MCTP1: variants seen among roughly 807,000 people sequenced by gnomAD.
MCTP1 encodes the protein multiple C2 and transmembrane domain-containing protein 1.
MCTP1 carries 69 observed loss-of-function variants against 120.6 expected under a neutral mutation model. That is an observed-to-expected ratio of 0.57 (90% CI 0.47 to 0.70). MCTP1 has a LOEUF of 0.70. Among genes scored for constraint, MCTP1 ranks in the 30% least tolerant of loss-of-function variants. The probability of loss-of-function intolerance (pLI) is 0.00; values close to 1 mark genes in which losing one functional copy is unlikely to be tolerated. For missense variants in MCTP1, 1,203 were observed against 1,248.8 expected (o/e 0.96, Z 0.55); for synonymous variants, 529 against 493.1 (o/e 1.07, Z -0.96).
In MCTP1 at chr5:95,182,086, C is replaced by A. The variant is rs573454109; in HGVS notation, c.720+101770G>T. Reference sequence around the variant, plus strand: ...TAGAGTTACAAAAGAAATATCTGACCATGGGAATATTGATACTGGCATCAT... The same window carrying A: ...TAGAGTTACAAAAGAAATATCTGACAATGGGAATATTGATACTGGCATCAT... On this transcript the variant is annotated intron_variant, in intron 1 of 22. Transcript: ENST00000515393. 5.3e-5 allele frequency among the ~76,000 whole-genome samples: 8 copies of A among 152,072 alleles called. No individual in the cohort carries two copies. The South Asian group carries it at 1.7e-3, about 32-fold the overall frequency.
rs1561916186 is a variant in MCTP1 at position 94,953,832 on chromosome 5, T to TATATATATACAAATATATATATAC, written c.839-472_839-471insGTATATATATATTTGTATATATAT. Among the ~76,000 whole-genome samples, 2 of 44,588 alleles carry TATATATATACAAATATATATATAC rather than the reference T, an allele frequency of 4.5e-5. 1 individual carries two copies. The highest frequency in any genetic ancestry group is 5.0e-4 in the Admixed American group (2 of 3,970). The allele number at this position is 44,588 out of a possible 152,430, so 29.3% of individuals were successfully genotyped here. A position where few individuals can be genotyped will look rare whatever the true frequency, so the allele number is the denominator to read the frequency against. Reference sequence around the variant, plus strand: ...ATATATATACAAATATATATATACATATATATATATACACAACTATATATA... The same window carrying TATATATATACAAATATATATATAC: ...ATATATATACAAATATATATATACATATATATATACAAATATATATATACATATATATATACACAACTATATATA... On this transcript the variant is annotated intron_variant, in intron 2 of 22. Transcript: ENST00000515393.
At chr5:94,889,908 T>C (rs1439230024) in intron 11 of MCTP1, among the ~76,000 whole-genome samples, 3 of 152,258 alleles carry the variant, frequency 2.0e-5, no homozygotes, top group African/African-American at 4.8e-5. Context: ...ATATGTCTGC[T>C]TCCTTTTTCA....
At chr5:94,813,750 G>A (rs1300137356) in intron 17 of MCTP1, among the ~76,000 whole-genome samples, 6 of 152,066 alleles carry the variant, frequency 3.9e-5, no homozygotes, top group Admixed American at 3.9e-4. Flanking sequence ...TAGCTGGGAG[G>A]GGTGGCGCAC....
intron 17 of MCTP1, among the ~76,000 whole-genome samples, chr5:94,853,223 A>T (rs1380419000): frequency 6.6e-6 from 1 of 151,998 alleles, no homozygotes. Flanking sequence ...AACCAGTTGT[A>T]ATCTGTCATC....
intron 17 of MCTP1, among the ~76,000 whole-genome samples, chr5:94,834,516 TGAGATACTAA>T (rs1789256301): frequency 6.6e-6 from 1 of 152,210 alleles, no homozygotes; most frequent in East Asian, 1.9e-4. Flanking sequence ...ATAAAGGCTT[TGAGATACTAA>T]GACTTTTAGG....
At chr5:95,229,997 G>T (rs1257930469) in intron 1 of MCTP1, among the ~76,000 whole-genome samples, 1 of 151,954 alleles carries the variant, frequency 6.6e-6, no homozygotes, top group South Asian at 2.1e-4. Flanking sequence ...CAGCATAATG[G>T]AGAAGAAAAG....
At chr5:94,811,544 T>C (rs1278500881) in intron 17 of MCTP1, among the ~76,000 whole-genome samples, 1 of 152,194 alleles carries the variant, frequency 6.6e-6, no homozygotes, top group Non-Finnish European at 1.5e-5. Flanking sequence ...AATTCTGAAA[T>C]GTTTTCTTCA....
At chr5:95,208,915 A>G (rs1751994715) in intron 1 of MCTP1, among the ~76,000 whole-genome samples, 1 of 151,744 alleles carries the variant, frequency 6.6e-6, no homozygotes, top group South Asian at 2.1e-4. Flanking sequence ...ACTATTTACC[A>G]TTCCTTCCTT....
intron 17 of MCTP1, among the ~76,000 whole-genome samples, chr5:94,844,300 T>TTAAAA (rs1252887281): frequency 7.7e-5 from 1 of 12,924 alleles, no homozygotes; most frequent in South Asian, 1.9e-3. Flanking sequence ...AGACTCTGTC[T>TTAAAA]CAAAAAAAAA....
intron 1 of MCTP1, among the ~76,000 whole-genome samples, chr5:95,272,451 CAAGTTATCCAAGTCATCCAAGTTATACA>C (rs1321115885): frequency 5.9e-5 from 9 of 152,268 alleles, no homozygotes; most frequent in Non-Finnish European, 8.8e-5. Context: ...GCTAATCATC[CAAGTTATCCAAGTCATCCAAGTTATACA>C]AAGTTATCCA....
chr5:94,868,184 C>T (rs1391198060), intron 17 of MCTP1, 149 bp downstream of exon 17: 9 of 657,400 alleles, frequency 1.4e-5, no homozygotes, highest in Non-Finnish European at 2.0e-5. Flanking sequence ...CATCAGGTTC[C>T]TGCCCACGGC....
At chr5:95,061,753 C>T (rs1329949029) in intron 1 of MCTP1, among the ~76,000 whole-genome samples, 2 of 152,016 alleles carry the variant, frequency 1.3e-5, no homozygotes, top group Admixed American at 6.6e-5. Context: ...TTTTTAATAA[C>T]TAATATTTAT....
chr5:95,107,543 A>T (rs1376563860), intron 1 of MCTP1, among the ~76,000 whole-genome samples: 1 of 152,238 alleles, frequency 6.6e-6, no homozygotes, highest in African/African-American at 2.4e-5. Flanking sequence ...TCTGACAGGA[A>T]TGCCAAGGTT....
intron 1 of MCTP1, chr5:95,037,959 T>C: frequency 6.1e-6 from 1 of 163,156 alleles, no homozygotes; most frequent in Non-Finnish European, 1.3e-5. Flanking sequence ...TTAAAGATAC[T>C]ATGGAATAGA....
chr5:94,995,615 G>C (rs1159827896), intron 2 of MCTP1, among the ~76,000 whole-genome samples: 1 of 152,156 alleles, frequency 6.6e-6, no homozygotes, highest in Non-Finnish European at 1.5e-5. Flanking sequence ...TGGGGAAAGA[G>C]TTATCCCTAA....
intron 1 of MCTP1, among the ~76,000 whole-genome samples, chr5:95,094,175 C>T (rs1167785849): frequency 6.6e-6 from 1 of 152,190 alleles, no homozygotes; most frequent in Non-Finnish European, 1.5e-5. Context: ...ATACGTTATG[C>T]AGCAATAGGT....
chr5:94,895,249 T>C (rs1803679628), intron 10 of MCTP1, among the ~76,000 whole-genome samples: 1 of 152,214 alleles, frequency 6.6e-6, no homozygotes, highest in African/African-American at 2.4e-5. Flanking sequence ...TTTCCCCTCA[T>C]TCGTAAATGT....
intron 1 of MCTP1, among the ~76,000 whole-genome samples, chr5:95,125,632 TTTTA>T (rs1316707129): frequency 6.6e-6 from 1 of 152,234 alleles, no homozygotes; most frequent in Admixed American, 6.5e-5. Context: ...TTCTTTTTCA[TTTTA>T]TTTATTTGTT....
chr5:94,810,589 CTT>C (rs1783201786), intron 17 of MCTP1, among the ~76,000 whole-genome samples: 1 of 152,186 alleles, frequency 6.6e-6, no homozygotes, highest in Non-Finnish European at 1.5e-5. Flanking sequence ...GTCCTTCAGT[CTT>C]TACACCTCCA....
Sources: allele counts gnomAD v4.1 joint callset (sites outside exome capture counted in the v4.1 genomes callset), GRCh38; gene constraint gnomAD v4.1.1; transcripts MANE v1.5; gene names NCBI Gene and HGNC (gene_info 2026-07-23, HGNC 2026-07-21).